The following KATNA1 variants were observed in gnomAD, a reference collection of about 807,000 sequenced individuals.
KATNA1 encodes katanin catalytic subunit A1, also known as katanin p60 ATPase-containing subunit A1.
Under a neutral mutation model 62.6 loss-of-function variants are expected in KATNA1, and 42 were observed. The ratio of observed to expected loss-of-function variants is 0.67; its 90% CI spans 0.52 to 0.87. KATNA1 has a LOEUF of 0.87. Among genes scored for constraint, KATNA1 ranks in the 40% least tolerant of loss-of-function variants. KATNA1 has a pLI of 0.00. For synonymous variants in KATNA1, 186 were observed against 201.9 expected, an observed-to-expected ratio of 0.92 and a Z score of 0.67; for missense variants, 498 against 612.5, an observed-to-expected ratio of 0.81 and a Z score of 1.97.
At chr6:149,638,730 G>GTTTTTTTTTTTTTT (rs1217719467) in intron 1 of KATNA1, 170 bp from the exon 2 acceptor site, 1 of 97,658 alleles carries the variant, frequency 1.0e-5, no homozygotes, top group Non-Finnish European at 1.8e-5. Flanking sequence ...AAAAAACATT[G>GTTTTTTTTTTTTTT]TTTTTTTTTT....
At chr6:149,636,447 T>C (rs1218961833) in intron 2 of KATNA1, among the ~76,000 whole-genome samples, 1 of 136,282 alleles carries the variant, frequency 7.3e-6, no homozygotes, top group East Asian at 2.7e-4. Context: ...AATAAAATAG[T>C]TGCCCTTTCT....
rs115179420 is a variant in KATNA1 at position 149,627,337 on chromosome 6, G to A, written c.321-4054C>T. On this transcript the variant is annotated intron_variant, in intron 3 of 10. Transcript: ENST00000367411. Reference sequence around the variant, plus strand: ...TGAGGTCAGGAGTTCAAGACCAGGCGGACAGATCACTTGAAGTCAGGAGTT... The same window carrying A: ...TGAGGTCAGGAGTTCAAGACCAGGCAGACAGATCACTTGAAGTCAGGAGTT... Among the ~76,000 whole-genome samples the A allele has an allele frequency of 4.8e-3, 733 of 151,642 alleles. 18 individuals are homozygous for A. Among genetic ancestry groups the A allele is most frequent in the African/African-American group, 0.017 (689 of 41,168 alleles).
intron 1 of KATNA1, among the ~76,000 whole-genome samples, chr6:149,644,905 T>C (rs1214613069): frequency 6.6e-6 from 1 of 152,236 alleles, no homozygotes; most frequent in Non-Finnish European, 1.5e-5. Context: ...AGAAACAATG[T>C]GCTTGCAGAA....
chr6:149,613,206 A>ATAAAAAT lies in KATNA1; in HGVS notation c.502-8425_502-8424insATTTTTA, dbSNP rs1562286920. Among the ~76,000 whole-genome samples the ATAAAAAT allele has an allele frequency of 9.8e-5, 14 of 142,848 alleles. 1 individual carries two copies. Among genetic ancestry groups the ATAAAAAT allele is most frequent in the African/African-American group, 3.7e-4 (14 of 37,580 alleles). 93.7% of individuals were successfully genotyped at this position (142,848 alleles called of 152,430 possible). On this transcript the variant is annotated intron_variant, in intron 4 of 10. Transcript: ENST00000367411. ...AAAAAAAAAAAAAAAAAAAAAAAAA[A>ATAAAAAT]AAAAAAAAAAAGAACATCTACAAAA...
chr6:149,599,113 C>T (rs9322194), intron 7 of KATNA1, among the ~76,000 whole-genome samples: 61,171 of 151,806 alleles, frequency 0.4, 13,254 homozygotes, highest in East Asian at 0.81. Flanking sequence ...AATCTTCCTG[C>T]CTCGGCCTCC....
intron 6 of KATNA1, among the ~76,000 whole-genome samples, chr6:149,603,065 C>T (rs1778609493): frequency 6.6e-6 from 1 of 152,154 alleles, no homozygotes; most frequent in Non-Finnish European, 1.5e-5. Context: ...CCAAAGATCA[C>T]ATTGTATGTA....
intron 1 of KATNA1, among the ~76,000 whole-genome samples, chr6:149,640,790 G>A (rs368512218): frequency 2.0e-5 from 3 of 152,132 alleles, no homozygotes; most frequent in East Asian, 1.9e-4. Context: ...CTCGTGATCC[G>A]CCCGCCTCGG....
At chr6:149,611,299 T>C (rs1322116747) in intron 4 of KATNA1, among the ~76,000 whole-genome samples, 2 of 151,302 alleles carry the variant, frequency 1.3e-5, no homozygotes, top group Non-Finnish European at 2.9e-5. Flanking sequence ...CTGTCTCTAC[T>C]AAAAATACAA....
chr6:149,597,758 T>C, intron 8 of KATNA1, 117 bp from the exon 9 acceptor site: 1 of 927,078 alleles, frequency 1.1e-6, no homozygotes, highest in Non-Finnish European at 1.6e-6. Flanking sequence ...AGCACAGTCT[T>C]AATGCCTCCT....
rs970653137 is a variant in KATNA1 at position 149,604,690 on chromosome 6, A to G, written c.594T>C (p.Asp198=). Residue 198 remains aspartate (D), a synonymous_variant, in exon 5 of 11, where the codon GAT becomes GAC. Coordinates refer to ENST00000367411, the MANE Select transcript of KATNA1 (RefSeq NM_007044.4). ...GAACATTGGGATTCTGGGAAATTAT[A>G]TCTCTTTCCAAAGCTTCTACTAAGT... is the stretch of plus-strand genomic sequence containing the variant. ...DKDLVEALER[D]IISQNPNVRW... The G allele has an allele frequency of 3.1e-6, 5 of 1,613,324 alleles. No homozygotes were observed. The highest frequency in any genetic ancestry group is 3.3e-4 in the Middle Eastern group (2 of 6,062).
intron 4 of KATNA1, among the ~76,000 whole-genome samples, chr6:149,611,949 A>G (rs1016872277): frequency 9.9e-5 from 15 of 152,060 alleles, no homozygotes; most frequent in African/African-American, 2.9e-4. Flanking sequence ...GCAGTGAGCC[A>G]AGATCATGCC....
chr6:149,638,907 T>G (rs1441045520), intron 1 of KATNA1, among the ~76,000 whole-genome samples: 10 of 151,864 alleles, frequency 6.6e-5, no homozygotes, highest in Non-Finnish European at 1.0e-4. Context: ...CGGCTAATTT[T>G]TTTTGTATTT....
chr6:149,599,602 C>T (rs988298897), intron 7 of KATNA1, among the ~76,000 whole-genome samples: 1 of 152,034 alleles, frequency 6.6e-6, no homozygotes, highest in Non-Finnish European at 1.5e-5. Context: ...TCTGTAACCT[C>T]TGCCACCCCG....
intron 1 of KATNA1, among the ~76,000 whole-genome samples, chr6:149,644,218 G>C (rs1018810779): frequency 3.3e-5 from 5 of 152,140 alleles, no homozygotes; most frequent in African/African-American, 9.7e-5. Context: ...AGTTGTTCTA[G>C]ATGAGCTTGG....
chr6:149,632,683 C>A (rs879204166), intron 3 of KATNA1, 76 bp downstream of exon 3: 2 of 1,261,392 alleles, frequency 1.6e-6, no homozygotes, highest in South Asian at 3.5e-5. Flanking sequence ...CTCTCAGCCA[C>A]CCCATCCTCC....
At chr6:149,595,314 C>T (rs1778260037) in intron 10 of KATNA1, 80 bp from the exon 11 acceptor site, 3 of 1,064,340 alleles carry the variant, frequency 2.8e-6, no homozygotes, top group South Asian at 1.5e-5. Flanking sequence ...GAAAAATTTT[C>T]AATTGATCTG....
At chr6:149,624,256 G>A (rs1779520020) in intron 3 of KATNA1, among the ~76,000 whole-genome samples, 1 of 152,058 alleles carries the variant, frequency 6.6e-6, no homozygotes, top group African/African-American at 2.4e-5. Flanking sequence ...GATCAGGGAA[G>A]CTCAATCTAT....
chr6:149,633,527 T>C (rs991612842), intron 2 of KATNA1, among the ~76,000 whole-genome samples: 1 of 151,570 alleles, frequency 6.6e-6, no homozygotes, highest in African/African-American at 2.4e-5. Flanking sequence ...GCTCAGGAGT[T>C]TGAGACAAGC....
intron 4 of KATNA1, among the ~76,000 whole-genome samples, chr6:149,606,027 T>C (rs1032344758): frequency 2.0e-5 from 3 of 152,160 alleles, no homozygotes; most frequent in Non-Finnish European, 4.4e-5. Flanking sequence ...CCCAAAGTGC[T>C]GGGATTACAG....
Sources: allele counts gnomAD v4.1 joint callset (sites outside exome capture counted in the v4.1 genomes callset), GRCh38; gene constraint gnomAD v4.1.1; transcripts MANE v1.5; gene names NCBI Gene and HGNC (gene_info 2026-07-23, HGNC 2026-07-21).